The following ROBO2 variants were observed in gnomAD, a reference collection of about 807,000 sequenced individuals.
The protein encoded by ROBO2 is roundabout homolog 2.
Under a neutral mutation model 160.8 loss-of-function variants are expected in ROBO2, and 53 were observed. The ratio of observed to expected loss-of-function variants is 0.33; its 90% CI spans 0.26 to 0.41. The LOEUF (loss-of-function observed/expected upper bound fraction) is 0.41, where lower values mean the gene tolerates loss of function less well. ROBO2 is among the 10% of genes least tolerant of loss of function. ROBO2 has a pLI of 1.00. For missense variants in ROBO2, 1,577 were observed against 1,722.4 expected, an observed-to-expected ratio of 0.92 and a Z score of 1.49; for synonymous variants, 664 against 611.7, an observed-to-expected ratio of 1.09 and a Z score of -1.26.
intron 2 of ROBO2, among the ~76,000 whole-genome samples, chr3:76,222,821 C>G (rs945621279): frequency 2.8e-4 from 42 of 151,710 alleles, no homozygotes; most frequent in African/African-American, 8.2e-4. Context: ...GTGGCATGAT[C>G]TGGGCTCACT....
chr3:76,412,026 TG>T (rs1185806011), intron 2 of ROBO2, among the ~76,000 whole-genome samples: 1 of 152,132 alleles, frequency 6.6e-6, no homozygotes, highest in African/African-American at 2.4e-5. Flanking sequence ...ATGGTTTAAT[TG>T]GACTTACAGT....
intron 1 of ROBO2, among the ~76,000 whole-genome samples, chr3:77,086,362 CATAG>C (rs1462594289): frequency 6.6e-6 from 1 of 152,110 alleles, no homozygotes; most frequent in Non-Finnish European, 1.5e-5. Context: ...ATGTTTTATA[CATAG>C]GGAAGCAAGA....
intron 1 of ROBO2, among the ~76,000 whole-genome samples, chr3:77,045,639 CA>C (rs2064573502): frequency 6.6e-6 from 1 of 152,176 alleles, no homozygotes; most frequent in Non-Finnish European, 1.5e-5. Context: ...TCATGACCCC[CA>C]ATGAGGAACC....
intron 2 of ROBO2, among the ~76,000 whole-genome samples, chr3:76,631,740 A>G (rs1379160823): frequency 6.6e-6 from 1 of 152,116 alleles, no homozygotes; most frequent in Non-Finnish European, 1.5e-5. Context: ...AAAAACCACA[A>G]TTATTGTTAA....
At chr3:76,612,646 G>T (rs761194538) in intron 2 of ROBO2, among the ~76,000 whole-genome samples, 2 of 152,082 alleles carry the variant, frequency 1.3e-5, no homozygotes, top group Non-Finnish European at 2.9e-5. Flanking sequence ...AAACCACCAT[G>T]GCACATGTAT....
chr3:76,294,141 G>T (rs1411843364), intron 2 of ROBO2, among the ~76,000 whole-genome samples: 1 of 152,196 alleles, frequency 6.6e-6, no homozygotes, highest in Non-Finnish European at 1.5e-5. Context: ...ATCAGAGTGG[G>T]TGCCGGGAGT....
At chr3:76,579,767 T>G (rs1259321583) in intron 2 of ROBO2, among the ~76,000 whole-genome samples, 1 of 128,436 alleles carries the variant, frequency 7.8e-6, no homozygotes, top group Non-Finnish European at 1.6e-5. Flanking sequence ...TCAAAAAAGC[T>G]ATGACTTTGG....
chr3:76,690,470 T>G lies in ROBO2; in HGVS notation c.110-407544T>G, dbSNP rs144232453. Among the ~76,000 whole-genome samples the G allele has an allele frequency of 1.7e-3, 252 of 152,110 alleles. 11 individuals are homozygous for G. In the South Asian group the frequency reaches 0.034, roughly 20 times the overall value. ...AGGATACAACATCAAGGCACCATCTTGGAATCAGAGATCAGCCTTCACCAG... is the reference window on the plus strand; with the variant it reads ...AGGATACAACATCAAGGCACCATCTGGGAATCAGAGATCAGCCTTCACCAG... On this transcript the variant is annotated intron_variant, in intron 2 of 26. Coordinates refer to the ROBO2 transcript ENST00000487694.
At chr3:76,375,751 A>C (rs2076313684) in intron 2 of ROBO2, among the ~76,000 whole-genome samples, 1 of 152,102 alleles carries the variant, frequency 6.6e-6, no homozygotes, top group South Asian at 2.1e-4. Context: ...AAAAAACTAG[A>C]AAGTAATTTA....
At chr3:76,483,368 TAC>T (rs2079312991) in intron 2 of ROBO2, among the ~76,000 whole-genome samples, 2 of 152,036 alleles carry the variant, frequency 1.3e-5, no homozygotes, top group Non-Finnish European at 1.5e-5. Context: ...GCAGGTTTGT[TAC>T]CTTGGTATAT....
At chr3:76,323,259 T>G (rs1277853822) in intron 2 of ROBO2, among the ~76,000 whole-genome samples, 1 of 152,002 alleles carries the variant, frequency 6.6e-6, no homozygotes, top group African/African-American at 2.4e-5. Flanking sequence ...ATAATCTTAT[T>G]TAATCCTGTG....
intron 14 of ROBO2, among the ~76,000 whole-genome samples, chr3:77,576,651 G>A (rs1266696759): frequency 6.6e-6 from 1 of 152,046 alleles, no homozygotes; most frequent in East Asian, 1.9e-4. Context: ...TTCTCAGTAT[G>A]GTTGTAATTA....
At chr3:77,038,198 A>G (rs2063749177), upstream of ROBO2, among the ~76,000 whole-genome samples, 1 of 152,208 alleles carries the variant, frequency 6.6e-6, no homozygotes, top group African/African-American at 2.4e-5. Context: ...GGGTGCTAAA[A>G]CAATAGCACA....
At chr3:76,271,652 A>G (rs1010415815) in intron 2 of ROBO2, among the ~76,000 whole-genome samples, 4 of 151,848 alleles carry the variant, frequency 2.6e-5, no homozygotes, top group Non-Finnish European at 5.9e-5. Flanking sequence ...ATATGTATTC[A>G]TGAATATATG....
chr3:77,568,292 G>A (rs1401205588), intron 12 of ROBO2, 21 bp from the exon 14 acceptor site: 1 of 1,612,116 alleles, frequency 6.2e-7, no homozygotes, highest in East Asian at 2.2e-5. Context: ...AGGTGGGAAT[G>A]ATTCTCTTCT....
chr3:77,219,460 G>A (rs59800890), intron 2 of ROBO2, among the ~76,000 whole-genome samples: 134 of 65,964 alleles, frequency 2.0e-3, no homozygotes, highest in Non-Finnish European at 2.8e-3. Context: ...ATATATATAT[G>A]TATCTGTGTA....
intron 2 of ROBO2, among the ~76,000 whole-genome samples, chr3:77,015,959 T>G (rs2149484139): frequency 6.6e-6 from 1 of 152,176 alleles, no homozygotes; most frequent in Admixed American, 6.5e-5. Flanking sequence ...CATGTTCTAA[T>G]ATGTTATTTT....
intron 2 of ROBO2, among the ~76,000 whole-genome samples, chr3:77,293,210 G>A (rs1386295217): frequency 1.3e-5 from 2 of 151,018 alleles, no homozygotes; most frequent in Non-Finnish European, 2.9e-5. Flanking sequence ...CGGTTAAACG[G>A]GTAAGCTGAG....
chr3:77,206,931 T>C (rs2083518048), intron 2 of ROBO2, among the ~76,000 whole-genome samples: 1 of 152,122 alleles, frequency 6.6e-6, no homozygotes. Flanking sequence ...CTATGCATTA[T>C]GTGGGACCAG....
Sources: gnomAD v4.1 joint callset for allele counts (sites outside exome capture counted in the v4.1 genomes callset) on GRCh38, gnomAD v4.1.1 for gene constraint, MANE v1.5 for transcripts, NCBI Gene and HGNC (gene_info 2026-07-23, HGNC 2026-07-21) for gene names.